MAPK10: variants seen among roughly 807,000 people sequenced by gnomAD.
MAPK10 encodes mitogen-activated protein kinase 10, also known as JNK3 alpha protein kinase.
MAPK10 carries 25 observed loss-of-function variants against 59.3 expected under a neutral mutation model. The ratio of observed to expected loss-of-function variants is 0.42; its 90% CI spans 0.31 to 0.59. The LOEUF (loss-of-function observed/expected upper bound fraction) is 0.59. Among genes scored for constraint, MAPK10 ranks in the 20% least tolerant of loss-of-function variants. The probability of loss-of-function intolerance (pLI) is 0.15; values close to 1 mark genes in which losing one functional copy is unlikely to be tolerated. For synonymous variants in MAPK10, 190 were observed against 200.5 expected (o/e 0.95, Z 0.44); for missense variants, 351 against 568.9 (o/e 0.62, Z 3.90).
intron 1 of MAPK10, among the ~76,000 whole-genome samples, chr4:86,524,276 G>C (rs757906142): frequency 2.6e-5 from 4 of 152,204 alleles, no homozygotes; most frequent in Non-Finnish European, 4.4e-5. Flanking sequence ...ACACAAAATT[G>C]ACCAAGATAA....
At chr4:86,271,117 C>T (rs2094421985) in intron 2 of MAPK10, among the ~76,000 whole-genome samples, 1 of 151,926 alleles carries the variant, frequency 6.6e-6, no homozygotes, top group Non-Finnish European at 1.5e-5. Flanking sequence ...AGAGGTTGTA[C>T]CATTTTATCC....
At chr4:86,311,035 T>TACACACACAC (rs143712904) in intron 2 of MAPK10, among the ~76,000 whole-genome samples, 8,137 of 141,804 alleles carry the variant, frequency 0.057, 266 homozygotes, top group South Asian at 0.083. Flanking sequence ...AGTTTTAAGT[T>TACACACACAC]ACACACACAC....
At chr4:86,578,668 GT>G (rs1307184067) in intron 1 of MAPK10, among the ~76,000 whole-genome samples, 2 of 151,646 alleles carry the variant, frequency 1.3e-5, no homozygotes, top group Non-Finnish European at 2.9e-5. Flanking sequence ...CTTAATTATT[GT>G]TTTCCATATT....
chr4:86,499,975 G>A (rs757154513), intron 1 of MAPK10, among the ~76,000 whole-genome samples: 17 of 152,244 alleles, frequency 1.1e-4, no homozygotes, highest in Middle Eastern at 3.4e-3. Flanking sequence ...AACTAAAAGC[G>A]CCTGAGTCAC....
intron 3 of MAPK10, among the ~76,000 whole-genome samples, chr4:86,178,246 G>T (rs1300200428): frequency 6.6e-6 from 1 of 151,888 alleles, no homozygotes; most frequent in Non-Finnish European, 1.5e-5. Context: ...TAGTTTAAGT[G>T]GTATTATAAA....
At chr4:86,521,170 T>C (rs1757080165) in intron 1 of MAPK10, among the ~76,000 whole-genome samples, 1 of 152,220 alleles carries the variant, frequency 6.6e-6, no homozygotes, top group Non-Finnish European at 1.5e-5. Flanking sequence ...TGGAATTAGC[T>C]GTTGTTTTCT....
intron 8 of MAPK10, 135 bp downstream of exon 8, chr4:86,100,917 A>T: frequency 1.4e-6 from 1 of 699,308 alleles, no homozygotes; most frequent in South Asian, 2.5e-5. Context: ...AGTATTAAAA[A>T]AAACCCTGAA....
intron 2 of MAPK10, among the ~76,000 whole-genome samples, chr4:86,251,435 T>A (rs1211665595): frequency 6.7e-6 from 1 of 149,002 alleles, no homozygotes. Context: ...GTTTGGTTTT[T>A]TGTTCTTGCG....
intron 2 of MAPK10, among the ~76,000 whole-genome samples, chr4:86,294,407 T>A (rs1194896600): frequency 1.3e-5 from 2 of 152,088 alleles, no homozygotes; most frequent in East Asian, 3.9e-4. Flanking sequence ...AGTTTACATA[T>A]AAATACAAAT....
chr4:86,363,886 G>T (rs1737401444), upstream of MAPK10, among the ~76,000 whole-genome samples: 1 of 151,842 alleles, frequency 6.6e-6, no homozygotes, highest in African/African-American at 2.4e-5. Context: ...GGCCTCAAGG[G>T]GTCCTCCCAG....
chr4:86,240,461 C>T (rs932528892), intron 2 of MAPK10, among the ~76,000 whole-genome samples: 46 of 152,134 alleles, frequency 3.0e-4, no homozygotes, highest in Non-Finnish European at 1.0e-4. Context: ...TAACGTCTCC[C>T]ACTATTATTG....
intron 1 of MAPK10, among the ~76,000 whole-genome samples, chr4:86,477,990 A>G (rs1047234554): frequency 7.9e-5 from 12 of 152,082 alleles, no homozygotes; most frequent in Admixed American, 7.2e-4. Context: ...GTCAAGCCCA[A>G]ATTTCTTCCT....
At position 86,414,074 on chromosome 4, in the gene MAPK10, C is replaced by G. The variant is rs1032464544; in HGVS notation, c.-122+38956G>C. Reference sequence around the variant, plus strand: ...TAAGCGACCCCGCATAATTTATTTTCAAATAATCCCTTTTGCTTTTGTTTT... The same window carrying G: ...TAAGCGACCCCGCATAATTTATTTTGAAATAATCCCTTTTGCTTTTGTTTT... On this transcript the variant is annotated intron_variant, in intron 1 of 13. Transcript: ENST00000361569. 4.3e-4 allele frequency among the ~76,000 whole-genome samples: 61 copies of G among 140,474 alleles called. 1 individual carries two copies. Among genetic ancestry groups the G allele is most frequent in the Middle Eastern group, 3.6e-3 (1 of 278 alleles). 92.2% of individuals were successfully genotyped at this position (140,474 alleles called of 152,430 possible). A position where few individuals can be genotyped will look rare whatever the true frequency, so the allele number is the denominator to read the frequency against.
At chr4:86,092,674 T>C (rs1453155580) in intron 9 of MAPK10, among the ~76,000 whole-genome samples, 9 of 151,954 alleles carry the variant, frequency 5.9e-5, no homozygotes, top group Admixed American at 5.9e-4. Flanking sequence ...TTTTATGAAA[T>C]TGTCAGGTAT....
chr4:86,327,135 T>G (rs1432983601), intron 2 of MAPK10: 1 of 133,154 alleles, frequency 7.5e-6, no homozygotes, highest in Non-Finnish European at 1.6e-5. Flanking sequence ...CACACCCAGC[T>G]AACTTTTTTT....
chr4:86,088,337 C>T (rs1331235108), intron 9 of MAPK10, among the ~76,000 whole-genome samples: 2 of 152,042 alleles, frequency 1.3e-5, no homozygotes, highest in Admixed American at 6.6e-5. Context: ...TTTCACCGTG[C>T]CCGGCTAAAT....
chr4:86,352,683 ATTTGT>A (rs1248812150), intron 2 of MAPK10, among the ~76,000 whole-genome samples: 1 of 152,068 alleles, frequency 6.6e-6, no homozygotes, highest in African/African-American at 2.4e-5. Context: ...GATTTACTTG[ATTTGT>A]TTTATGTTGT....
chr4:86,522,387 T>G (rs941806755), intron 1 of MAPK10, among the ~76,000 whole-genome samples: 3 of 152,334 alleles, frequency 2.0e-5, no homozygotes, highest in African/African-American at 2.4e-5. Flanking sequence ...AGCTAGAATA[T>G]GAACTACCTT....
chr4:86,206,456 T>C (rs2084004169), intron 2 of MAPK10, among the ~76,000 whole-genome samples: 1 of 151,218 alleles, frequency 6.6e-6, no homozygotes, highest in Non-Finnish European at 1.5e-5. Context: ...TGTTGGACAT[T>C]TGGGTTGGTT....
Sources: gnomAD v4.1 joint callset for allele counts (sites outside exome capture counted in the v4.1 genomes callset) on GRCh38, gnomAD v4.1.1 for gene constraint, MANE v1.5 for transcripts, NCBI Gene and HGNC (gene_info 2026-07-23, HGNC 2026-07-21) for gene names.